Variants in OGFOD3 observed in about 807,000 individuals in gnomAD.
The protein encoded by OGFOD3 is 2-oxoglutarate and iron-dependent oxygenase domain-containing protein 3.
OGFOD3 carries 35 observed loss-of-function variants against 39.8 expected under a neutral mutation model. The observed-to-expected ratio is 0.88, with a 90% CI of 0.67 to 1.17. OGFOD3 has a LOEUF of 1.17. OGFOD3 is among the 50% of genes most tolerant of loss of function. The pLI, the probability that OGFOD3 is intolerant of heterozygous loss-of-function variation, is 0.00. For synonymous variants in OGFOD3, 200 were observed against 192.0 expected (o/e 1.04, Z -0.34); for missense variants, 438 against 454.5 (o/e 0.96, Z 0.33).
Position 82,415,246 on chromosome 17 carries a change from A to T in OGFOD3, c.304+152T>A. The T allele has an allele frequency of 1.3e-6, 1 of 778,904 alleles. No individual in the cohort carries two copies. The highest frequency in any genetic ancestry group is 2.1e-6 in the Non-Finnish European group (1 of 476,544). 48.2% of individuals were successfully genotyped at this position (778,904 alleles called of 1,614,324 possible). ...CAGGGCGCGAAACACCTGCACTCCC[A>T]GTCAGACGTGGACTAGCCAGCCTGC... On this transcript the variant is annotated intron_variant, in intron 2 of 8. Coordinates refer to ENST00000313056, the MANE Select transcript of OGFOD3 (RefSeq NM_024648.3). The surrounding 1 kb of genome is among the most constrained non-coding windows in gnomAD (Gnocchi z 5.3).
intron 8 of OGFOD3, chr17:82,394,212 G>A (rs958532192): frequency 6.0e-6 from 4 of 672,232 alleles, no homozygotes; most frequent in Non-Finnish European, 9.7e-6. Context: ...GGATGGTCTC[G>A]ATCTCCTGAC....
intron 7 of OGFOD3, among the ~76,000 whole-genome samples, chr17:82,403,073 G>C (rs909542903): frequency 6.6e-6 from 1 of 152,110 alleles, no homozygotes; most frequent in African/African-American, 2.4e-5. Flanking sequence ...AGAAATAAAA[G>C]AAAGAAAGAT....
At position 82,415,946 on chromosome 17, in the gene OGFOD3, A is replaced by G. The variant is rs2053026420; in HGVS notation, c.75-319T>C. ...ACATGCTCCTTATAAAAGCCACTTC[A>G]GGCCCGGCGCAGTGGCTTATGCCTG... On this transcript the variant is annotated intron_variant, in intron 1 of 8. Coordinates refer to ENST00000313056, the MANE Select transcript of OGFOD3 (RefSeq NM_024648.3). The surrounding 1 kb of genome is among the most constrained non-coding windows in gnomAD (Gnocchi z 5.3). 6.6e-6 allele frequency among the ~76,000 whole-genome samples: 1 copy of G among 151,930 alleles called. No homozygotes were observed. The highest frequency in any genetic ancestry group is 2.4e-5 in the African/African-American group (1 of 41,362).
rs763654624 is a variant in OGFOD3, at chr17:82,411,455, C to T, written c.380G>A (p.Ser127Asn). The change falls in exon 3 of 9, where the codon AGC becomes AAC. Residue 127 changes from serine (S) to asparagine (N), a missense_variant and splice_region_variant. Transcript: ENST00000313056. ...ACCGTGCTCAGGGACAGGCGGTTAC[C>T]TGCGAATCCGCTCCGCTTCCTCCCT... ...ITREEAERIRSVAEKGLSLGG... is the reference protein window; with the variant it reads ...ITREEAERIRNVAEKGLSLGG... 6.2e-7 allele frequency: 1 copy of T among 1,614,002 alleles called. No homozygotes were observed. The highest frequency in any genetic ancestry group is 8.5e-7 in the Non-Finnish European group (1 of 1,179,882).
At chr17:82,411,644 A>C in intron 2 of OGFOD3, 114 bp from the exon 3 acceptor site, 1 of 743,576 alleles carries the variant, frequency 1.3e-6, no homozygotes, top group Non-Finnish European at 2.3e-6. Flanking sequence ...AATTTCAGAC[A>C]CACACAACCA....
At chr17:82,407,111 G>A (rs774465463) in intron 4 of OGFOD3, among the ~76,000 whole-genome samples, 14 of 152,010 alleles carry the variant, frequency 9.2e-5, no homozygotes, top group East Asian at 1.9e-4. Flanking sequence ...CTGTAGCTGG[G>A]ACACCTACAG....
At position 82,406,558 on chromosome 17, in the gene OGFOD3, G is replaced by T; in HGVS notation, c.424-76C>A. The T allele has an allele frequency of 7.7e-7, 1 of 1,291,640 alleles. No homozygotes were observed. Among genetic ancestry groups the T allele is most frequent in the South Asian group, 1.2e-5 (1 of 83,780 alleles). 80.0% of individuals were successfully genotyped at this position (1,291,640 alleles called of 1,614,324 possible). A position where few individuals can be genotyped will look rare whatever the true frequency, so the allele number is the denominator to read the frequency against. On this transcript the variant is annotated intron_variant, in intron 4 of 8. Transcript: ENST00000313056. This position sits in a 1 kb window ranked among gnomAD's most constrained non-coding sequence, Gnocchi z 5.2. ...CTGTTAAAAGTCATGGATGGTAAAT[G>T]CGAGTTTCCAAGGTCTGGCCAGCAC...
chr17:82,418,343 C>T (rs1399405729), intron 1 of OGFOD3, 69 bp downstream of exon 1: 2 of 902,548 alleles, frequency 2.2e-6, no homozygotes, highest in East Asian at 3.7e-5. Flanking sequence ...GCCCCATCAG[C>T]CCCAGTCCCG....
chr17:82,412,042 T>G lies in OGFOD3; in HGVS notation c.305-512A>C, dbSNP rs574230173. On this transcript the variant is annotated intron_variant, in intron 2 of 8. Transcript: ENST00000313056. ...AGACCACCAGAGAGGAAGACCCTCC[T>G]GGGACCACTGGCGCAGAAAACCCTC... is the stretch of plus-strand genomic sequence containing the variant. Among the ~76,000 whole-genome samples the G allele has an allele frequency of 9.0e-3, 642 of 71,488 alleles. 5 individuals carry two copies. Among genetic ancestry groups the G allele is most frequent in the Non-Finnish European group, 0.015 (524 of 34,200 alleles). 46.9% of individuals were successfully genotyped at this position (71,488 alleles called of 152,430 possible).
At chr17:82,394,162 T>C (rs2052634646) in intron 8 of OGFOD3, among the ~76,000 whole-genome samples, 1 of 151,746 alleles carries the variant, frequency 6.6e-6, no homozygotes, top group Non-Finnish European at 1.5e-5. Context: ...GCTAATTTTT[T>C]TGTACTTTTA....
chr17:82,399,538 C>T (rs894270276), intron 7 of OGFOD3, among the ~76,000 whole-genome samples: 1 of 152,224 alleles, frequency 6.6e-6, no homozygotes, highest in African/African-American at 2.4e-5. Context: ...AAGCACATTT[C>T]CAATGTTGTG....
intron 6 of OGFOD3, 104 bp downstream of exon 6, chr17:82,405,220 C>T (rs2052835977): frequency 2.0e-6 from 2 of 988,566 alleles, no homozygotes; most frequent in East Asian, 2.4e-5. Flanking sequence ...GGCCCTGGCC[C>T]CTGGGCCTCT....
chr17:82,405,266 A>T, intron 6 of OGFOD3, 58 bp downstream of exon 6: 2 of 1,465,208 alleles, frequency 1.4e-6, no homozygotes, highest in Non-Finnish European at 1.9e-6. Flanking sequence ...GCTCTGCCAC[A>T]CCCCTCAGCC....
Position 82,392,520 on chromosome 17 carries a change from A to C in OGFOD3, c.838T>G (p.Phe280Val). The change falls in exon 9 of 9, where the codon TTC (phenylalanine) becomes GTC (valine). Residue 280 changes from phenylalanine to valine, a missense_variant. Physicochemically the swap from Phe to Val is conservative, Grantham distance 50 (BLOSUM62 -1). Coordinates refer to ENST00000313056, the MANE Select transcript of OGFOD3 (RefSeq NM_024648.3). The surrounding 1 kb of genome is among the most constrained non-coding windows in gnomAD (Gnocchi z 4.2). ...TGTAGGTTCTCGGACCCCGAGGTGA[A>C]GAAGGAGACGCGACCTGGGAGAGGA... ...VEPRAGRVSF[F>V]TSGSENLHRV... 1 of 1,593,846 alleles carries C rather than the reference A, an allele frequency of 6.3e-7. No homozygotes were observed. Among genetic ancestry groups the C allele is most frequent in the African/African-American group, 1.3e-5 (1 of 74,698 alleles).
chr17:82,415,466 T>C lies in OGFOD3; in HGVS notation c.236A>G (p.Glu79Gly). 6.2e-7 allele frequency: 1 copy of C among 1,613,966 alleles called. No homozygotes were observed. Among genetic ancestry groups the C allele is most frequent in the African/African-American group, 1.3e-5 (1 of 75,038 alleles). The change falls in exon 2 of 9, where the codon GAG (glutamate) becomes GGG (glycine). Residue 79 changes from glutamate (E) to glycine (G), a missense_variant. By Grantham distance (98) the Glu-to-Gly change is moderately conservative. Transcript: ENST00000313056. The surrounding 1 kb of genome is among the most constrained non-coding windows in gnomAD (Gnocchi z 5.3). ...GVAEVLARRG[E>G]VVAGRFIEVP... is the part of the protein sequence containing the mutation. ...CTCGATGAATCTCCCTGCCACGACC[T>C]CGCCACGGCGGGCCAGGACCTCTGC...
At chr17:82,417,637 T>G (rs1216205223) in intron 1 of OGFOD3, among the ~76,000 whole-genome samples, 1 of 140,282 alleles carries the variant, frequency 7.1e-6, no homozygotes, top group Non-Finnish European at 1.5e-5. Flanking sequence ...AAAAAAAAAT[T>G]ATAGCTGTGA....
At position 82,415,777 on chromosome 17, in the gene OGFOD3, C is replaced by T. The variant is rs1189962419; in HGVS notation, c.75-150G>A. The T allele has an allele frequency of 1.5e-6, 1 of 659,728 alleles. No individual in the cohort carries two copies. The highest frequency in any genetic ancestry group is 2.6e-6 in the Non-Finnish European group (1 of 391,922). 40.9% of individuals were successfully genotyped at this position (659,728 alleles called of 1,614,324 possible). ...CTTCCTGCCTGGGGCCAGCGCTGTC[C>T]ACTCAGGAAACACGGACTCTTCCCT... On this transcript the variant is annotated intron_variant, in intron 1 of 8. Transcript: ENST00000313056. This position sits in a 1 kb window ranked among gnomAD's most constrained non-coding sequence, Gnocchi z 5.3.
chr17:82,411,591 G>T, intron 2 of OGFOD3, 61 bp from the exon 3 acceptor site: 1 of 1,381,144 alleles, frequency 7.2e-7, no homozygotes, highest in Non-Finnish European at 1.0e-6. Flanking sequence ...TGCCCTTCCA[G>T]GGAATCAGGG....
intron 7 of OGFOD3, among the ~76,000 whole-genome samples, chr17:82,398,805 T>G (rs1201908669): frequency 6.6e-6 from 1 of 152,024 alleles, no homozygotes; most frequent in South Asian, 2.1e-4. Flanking sequence ...ACTCCTGGCT[T>G]TAAACAATCC....
Sources: allele counts gnomAD v4.1 joint callset (sites outside exome capture counted in the v4.1 genomes callset), GRCh38; gene constraint gnomAD v4.1.1; non-coding constraint Gnocchi (gnomAD v3.1); transcripts MANE v1.5; gene names NCBI Gene and HGNC (gene_info 2026-07-23, HGNC 2026-07-21).